The following RIMKLA variants were observed in gnomAD, a reference collection of about 807,000 sequenced individuals.
RIMKLA encodes the protein ribosomal modification protein rimK like family member A, also known as N-acetylaspartylglutamate synthase A.
RIMKLA carries 14 observed loss-of-function variants against 32.7 expected under a neutral mutation model. The observed-to-expected ratio is 0.43, with a 90% confidence interval of 0.28 to 0.67. RIMKLA has a LOEUF of 0.67. Among genes scored for constraint, RIMKLA ranks in the 30% least tolerant of loss-of-function variants. RIMKLA has a pLI of 0.18. For synonymous variants in RIMKLA, 176 were observed against 204.1 expected, an observed-to-expected ratio of 0.86 and a Z score of 1.18; for missense variants, 410 against 519.0, an observed-to-expected ratio of 0.79 and a Z score of 2.04.
At chr1:42,404,629 A>T in intron 3 of RIMKLA, 32 bp downstream of exon 3, 6 of 1,419,530 alleles carry the variant, frequency 4.2e-6, no homozygotes, top group Non-Finnish European at 6.0e-6. Flanking sequence ...CTTCCTGGGT[A>T]ATCAGCCCAC....
In RIMKLA at chr1:42,415,691, C is replaced by T. The variant is rs1011376906; in HGVS notation, c.*717C>T. On this transcript the variant is annotated 3_prime_UTR_variant, in exon 5 of 5. Transcript: ENST00000431473. ...ACGTCAGCTCTAGCAGCTTCTTGCA[C>T]CTTTGCTGCCTTTGGCCTCAGCTGG... The T allele has an allele frequency of 2.6e-5, 4 of 152,222 alleles. No homozygotes were observed. Among genetic ancestry groups the T allele is most frequent in the Admixed American group, 1.3e-4 (2 of 15,278 alleles). The allele number at this position is 152,222 out of a possible 1,614,324, so 9.4% of individuals were successfully genotyped here.
Position 42,414,898 on chromosome 1 carries a change from G to A in RIMKLA, c.1100G>A (p.Gly367Glu), listed in dbSNP as rs1472600983. 6.2e-7 allele frequency: 1 copy of A among 1,614,016 alleles called. No homozygotes were observed. Among genetic ancestry groups the A allele is most frequent in the African/African-American group, 1.3e-5 (1 of 74,910 alleles). Residue 367 changes from glycine to glutamate, a missense_variant, in exon 5 of 5, where the codon GGG (glycine) becomes GAG (glutamate). Gly to Glu is a moderately conservative substitution (Grantham distance 98). Transcript: ENST00000431473. ...CGGGATTCCTCAGCAAGCACAATGGGGGCCCCACCCTCCATGCTGCCCGAA... is the reference window on the plus strand; with the variant it reads ...CGGGATTCCTCAGCAAGCACAATGGAGGCCCCACCCTCCATGCTGCCCGAA... ...EIRDSSASTM[G>E]APPSMLPEPG...
chr1:42,410,061 C>G lies in RIMKLA; in HGVS notation c.559C>G (p.Leu187Val). 2 of 1,614,184 alleles carry G rather than the reference C, an allele frequency of 1.2e-6. No individual in the cohort carries two copies. Among genetic ancestry groups the G allele is most frequent in the Non-Finnish European group, 1.7e-6 (2 of 1,180,004 alleles). ...CHLIRHDVPY[L>V]FQKYVKESHG... Reference sequence around the variant, plus strand: ...TCTGATCCGCCACGATGTGCCCTACCTGTTCCAGAAGTACGTGAAGGAGTC... The same window carrying G: ...TCTGATCCGCCACGATGTGCCCTACGTGTTCCAGAAGTACGTGAAGGAGTC... Residue 187 changes from leucine (L) to valine (V), a missense_variant, in exon 4 of 5, where the codon CTG (leucine) becomes GTG (valine). Coordinates refer to ENST00000431473, the MANE Select transcript of RIMKLA (RefSeq NM_173642.4).
intron 1 of RIMKLA, among the ~76,000 whole-genome samples, chr1:42,383,011 C>T (rs1185277641): frequency 6.6e-6 from 1 of 151,160 alleles, no homozygotes; most frequent in African/African-American, 2.4e-5. Context: ...GCATGTGCCA[C>T]TACTTTTTTT....
chr1:42,406,604 T>G (rs1351385537), intron 3 of RIMKLA, among the ~76,000 whole-genome samples: 1 of 152,240 alleles, frequency 6.6e-6, no homozygotes, highest in Non-Finnish European at 1.5e-5. Context: ...GTTGTATGGC[T>G]GTACCACATT....
chr1:42,384,624 A>G (rs1257007105), intron 1 of RIMKLA, among the ~76,000 whole-genome samples: 2 of 36,090 alleles, frequency 5.5e-5, no homozygotes, highest in Admixed American at 4.6e-4. Context: ...TATACTATAT[A>G]TGTGTGTGTG....
chr1:42,404,763 T>C (rs542482651), intron 3 of RIMKLA, among the ~76,000 whole-genome samples, 166 bp downstream of exon 3: 225 of 152,350 alleles, frequency 1.5e-3, no homozygotes, highest in African/African-American at 5.1e-3. Flanking sequence ...TGTCAGATCA[T>C]GCTCACCTCT....
rs1643317638 is a variant in RIMKLA at position 42,424,123 on chromosome 1, G to C, written c.*9149G>C. ...CTGGTCTGTACTGTATTGCCTGATA[G>C]TATCATATCAATGTCAATTTCCTCA... On this transcript the variant is annotated 3_prime_UTR_variant, in exon 5 of 5. Transcript: ENST00000431473. Among the ~76,000 whole-genome samples the C allele has an allele frequency of 6.6e-6, 1 of 152,168 alleles. No homozygotes were observed. Among genetic ancestry groups the C allele is most frequent in the African/African-American group, 2.4e-5 (1 of 41,434 alleles).
At chr1:42,412,574 G>A in intron 4 of RIMKLA, 1 of 501,802 alleles carries the variant, frequency 2.0e-6, no homozygotes, top group Admixed American at 2.0e-5. Context: ...GACTGGGGCT[G>A]TTCACTCCCC....
chr1:42,380,848 C>G lies in RIMKLA; in HGVS notation c.-87C>G. 1.1e-6 allele frequency: 1 copy of G among 912,202 alleles called. No homozygotes were observed. The highest frequency in any genetic ancestry group is 1.4e-6 in the Non-Finnish European group (1 of 728,090). The allele number at this position is 912,202 out of a possible 1,614,324, so 56.5% of individuals were successfully genotyped here. A position where few individuals can be genotyped will look rare whatever the true frequency, so the allele number is the denominator to read the frequency against. On this transcript the variant is annotated 5_prime_UTR_variant, in exon 1 of 5. Transcript: ENST00000431473. ...AGCCGTGGCGCGCTCGCCCCGGACGCCGGCCGCCCCTCCGCTCGCCCTACT... is the reference window on the plus strand; with the variant it reads ...AGCCGTGGCGCGCTCGCCCCGGACGGCGGCCGCCCCTCCGCTCGCCCTACT...
At chr1:42,381,935 A>G (rs187087950) in intron 1 of RIMKLA, among the ~76,000 whole-genome samples, 53 of 152,320 alleles carry the variant, frequency 3.5e-4, no homozygotes, top group Admixed American at 1.2e-3. Context: ...GAGGCATCCA[A>G]CCATTTCAGG....
Position 42,404,657 on chromosome 1 carries a change from C to T in RIMKLA, c.481+60C>T, listed in dbSNP as rs1186362942. The T allele has an allele frequency of 4.7e-6, 5 of 1,054,468 alleles. No homozygotes were observed. In the East Asian group the frequency reaches 9.5e-5, roughly 20 times the overall value. 65.3% of individuals were successfully genotyped at this position (1,054,468 alleles called of 1,614,324 possible). A position where few individuals can be genotyped will look rare whatever the true frequency, so the allele number is the denominator to read the frequency against. On this transcript the variant is annotated intron_variant, in intron 3 of 4. Transcript: ENST00000431473. ...CAGCCCACTAGGGCTGCTGCTCTGC[C>T]TGGACAAGACACTCCTCAAGTGCTG...
In RIMKLA at chr1:42,380,903, C is replaced by A; in HGVS notation, c.-32C>A. ...GAGCGGCCCGGGGCGCCGAGGGGTC[C>A]GCGCCGCGCGGGGCGCACCGCCCTG... On this transcript the variant is annotated 5_prime_UTR_variant, in exon 1 of 5. Coordinates refer to ENST00000431473, the MANE Select transcript of RIMKLA (RefSeq NM_173642.4). The A allele has an allele frequency of 7.7e-7, 1 of 1,301,686 alleles. No homozygotes were observed. The highest frequency in any genetic ancestry group is 2.3e-5 in the South Asian group (1 of 43,382). The allele number at this position is 1,301,686 out of a possible 1,614,324, so 80.6% of individuals were successfully genotyped here. A position where few individuals can be genotyped will look rare whatever the true frequency, so the allele number is the denominator to read the frequency against.
In RIMKLA at chr1:42,420,708, G is replaced by A. The variant is rs1643288346; in HGVS notation, c.*5734G>A. 1 of 152,298 alleles carries A rather than the reference G, an allele frequency of 6.6e-6. No individual in the cohort carries two copies. Among genetic ancestry groups the A allele is most frequent in the South Asian group, 2.1e-4 (1 of 4,822 alleles). 9.4% of individuals were successfully genotyped at this position (152,298 alleles called of 1,614,324 possible). A position where few individuals can be genotyped will look rare whatever the true frequency, so the allele number is the denominator to read the frequency against. ...CACTGCACAAGCCAGGCATCACAAT[G>A]ACCATATTCACCACTCGTTGTCAGG... On this transcript the variant is annotated 3_prime_UTR_variant, in exon 5 of 5. Transcript: ENST00000431473.
chr1:42,399,330 G>A, intron 1 of RIMKLA, 74 bp from the exon 2 acceptor site: 1 of 1,118,882 alleles, frequency 8.9e-7, no homozygotes, highest in Non-Finnish European at 1.3e-6. Flanking sequence ...GTCTTGAAGA[G>A]TCTGTTGGAA....
chr1:42,406,416 T>C (rs1643147819), intron 3 of RIMKLA, among the ~76,000 whole-genome samples: 1 of 152,220 alleles, frequency 6.6e-6, no homozygotes, highest in Admixed American at 6.5e-5. Flanking sequence ...GACCTATTAT[T>C]AATAATACTT....
chr1:42,398,898 C>G (rs1195715863), intron 1 of RIMKLA, among the ~76,000 whole-genome samples: 2 of 140,678 alleles, frequency 1.4e-5, no homozygotes, highest in South Asian at 4.4e-4. Flanking sequence ...GCCTGGGAGG[C>G]AGAGGTCGCA....
intron 3 of RIMKLA, among the ~76,000 whole-genome samples, chr1:42,408,872 T>C (rs1374032916): frequency 2.6e-5 from 4 of 152,148 alleles, no homozygotes; most frequent in East Asian, 1.9e-4. Flanking sequence ...AGCAAACTTA[T>C]CAGAACCTCT....
At chr1:42,392,461 C>G (rs1293462820) in intron 1 of RIMKLA, among the ~76,000 whole-genome samples, 1 of 152,176 alleles carries the variant, frequency 6.6e-6, no homozygotes, top group African/African-American at 2.4e-5. Flanking sequence ...CTTAAGAAGA[C>G]AGTGCTTGTT....
Sources: allele counts gnomAD v4.1 joint callset (sites outside exome capture counted in the v4.1 genomes callset), GRCh38; gene constraint gnomAD v4.1.1; transcripts MANE v1.5; gene names NCBI Gene and HGNC (gene_info 2026-07-23, HGNC 2026-07-21).